The following CCNL1 variants were observed in gnomAD, a reference collection of about 807,000 sequenced individuals.
CCNL1 encodes cyclin-L1.
CCNL1 carries 13 observed loss-of-function variants against 60.6 expected under a neutral mutation model. The observed-to-expected ratio is 0.21, with a 90% CI of 0.14 to 0.34. The LOEUF (loss-of-function observed/expected upper bound fraction) is 0.34. CCNL1 is among the 10% of genes least tolerant of loss of function. The pLI is 1.00. For synonymous variants in CCNL1, 270 were observed against 244.3 expected (o/e 1.10, Z -0.98); for missense variants, 481 against 664.3 (o/e 0.72, Z 3.03).
At chr3:157,145,464 AC>A (rs1737755442), downstream of CCNL1, among the ~76,000 whole-genome samples, 13 of 136,182 alleles carry the variant, frequency 9.5e-5, no homozygotes, top group African/African-American at 2.6e-4. Flanking sequence ...AAAAAAAAAA[AC>A]CAAAACGGGA....
chr3:157,147,669 G>A lies in CCNL1; in HGVS notation c.*572C>T, dbSNP rs959465587. ...ATAGCTCACAATGCAGTTAAGAATT[G>A]CATTTTAATAATCTCAAACTACCAT... On this transcript the variant is annotated 3_prime_UTR_variant, in exon 11 of 11. Transcript: ENST00000295926. 3.0e-5 allele frequency: 30 copies of A among 984,626 alleles called. No individual in the cohort carries two copies. Among genetic ancestry groups the A allele is most frequent in the Non-Finnish European group, 3.5e-5 (29 of 829,380 alleles). The allele number at this position is 984,626 out of a possible 1,614,324, so 61.0% of individuals were successfully genotyped here.
Position 157,149,367 on chromosome 3 carries a change from C to T in CCNL1, c.1152G>A (p.Lys384=). Reference sequence around the variant, plus strand: ...TTGCACTTCTGCTATTTCTACTTCTCTTGCTGTCTTTTCTTACACTTCAAA... The same window carrying T: ...TTGCACTTCTGCTATTTCTACTTCTTTTGCTGTCTTTTCTTACACTTCAAA... ...SPYNGVRKDS[K]RSRNSRSASR... is the part of the protein sequence containing the mutation. Residue 384 remains lysine (K), a synonymous_variant, in exon 10 of 11, where the codon AAG becomes AAA. Coordinates refer to ENST00000295926, the MANE Select transcript of CCNL1 (RefSeq NM_020307.4). The T allele has an allele frequency of 6.2e-7, 1 of 1,614,006 alleles. No homozygotes were observed. The highest frequency in any genetic ancestry group is 1.3e-5 in the African/African-American group (1 of 75,028).
intron 1 of CCNL1, 128 bp downstream of exon 1, chr3:157,159,664 T>C: frequency 9.3e-7 from 1 of 1,071,322 alleles, no homozygotes; most frequent in Non-Finnish European, 1.3e-6. Flanking sequence ...CGGCCGCGGC[T>C]GGGCCCCGAA....
intron 4 of CCNL1, 171 bp downstream of exon 4, chr3:157,152,865 C>T: frequency 1.5e-6 from 2 of 1,363,724 alleles, no homozygotes; most frequent in Non-Finnish European, 1.9e-6. Flanking sequence ...TGTCATTTTA[C>T]TGATAAATCT....
intron 10 of CCNL1, 102 bp downstream of exon 10, chr3:157,149,185 T>G: frequency 1.1e-6 from 1 of 951,622 alleles, no homozygotes; most frequent in South Asian, 1.5e-5. Context: ...AGCCTAATTC[T>G]AACCTAACTT....
rs760539080 is a variant in CCNL1, at chr3:157,148,575, C to T, written c.1247G>A (p.Arg416Gln). 35 of 1,606,846 alleles carry T rather than the reference C, an allele frequency of 2.2e-5. No homozygotes were observed. The highest frequency in any genetic ancestry group is 1.4e-4 in the Admixed American group (8 of 58,482). ...HTPRRHYNNR[R>Q]SRSGTYSSRS... ...CGAGCTGTATGTTCCAGATCGACTC[C>T]GCCTATTATTATAGCTTAGATAATA... The change falls in exon 11 of 11, where the codon CGG (arginine) becomes CAG (glutamine). Residue 416 changes from arginine to glutamine, a missense_variant. Arg to Gln is a conservative substitution (Grantham distance 43). Transcript: ENST00000295926.
In CCNL1 at chr3:157,159,118, A is replaced by G. The variant is rs1208377869; in HGVS notation, c.379-143T>C. On this transcript the variant is annotated intron_variant, in intron 2 of 10. Coordinates refer to ENST00000295926, the MANE Select transcript of CCNL1 (RefSeq NM_020307.4). ...TAAGTCTACCAGCTATGCTAGTACT[A>G]TACTTTTTGTTGTTTAACTCATCTT... 10 of 643,254 alleles carry G rather than the reference A, an allele frequency of 1.6e-5. No individual in the cohort carries two copies. In the Admixed American group the frequency reaches 2.3e-4, roughly 15 times the overall value. 39.8% of individuals were successfully genotyped at this position (643,254 alleles called of 1,614,324 possible). A position where few individuals can be genotyped will look rare whatever the true frequency, so the allele number is the denominator to read the frequency against.
At chr3:157,158,671 A>C in intron 3 of CCNL1, 195 bp downstream of exon 3, 1 of 452,902 alleles carries the variant, frequency 2.2e-6, no homozygotes, top group Non-Finnish European at 4.0e-6. Flanking sequence ...TACAAACTTT[A>C]GATAACCGGT....
Position 157,160,121 on chromosome 3 carries a change from A to C in CCNL1, c.-27T>G, listed in dbSNP as rs745991464. 1.7e-5 allele frequency: 26 copies of C among 1,528,856 alleles called. No homozygotes were observed. The South Asian group carries it at 3.0e-4, about 18-fold the overall frequency. 94.7% of individuals were successfully genotyped at this position (1,528,856 alleles called of 1,614,324 possible). ...GTCTTAGCGAGCCGCACGCAAGCCC[A>C]ACGCAGCCGGAACCCGAAACAAGAC... On this transcript the variant is annotated 5_prime_UTR_variant, in exon 1 of 11. Transcript: ENST00000295926.
At chr3:157,146,428 C>A, downstream of CCNL1, 1 of 405,472 alleles carries the variant, frequency 2.5e-6, no homozygotes, top group Non-Finnish European at 4.8e-6. Flanking sequence ...GGTGTATCCT[C>A]CACAACTCCC....
chr3:157,152,020 T>C, intron 5 of CCNL1, 157 bp downstream of exon 5: 1 of 1,444,980 alleles, frequency 6.9e-7, no homozygotes, highest in South Asian at 1.5e-5. Flanking sequence ...GAAGCAGAAA[T>C]AAGCATTATT....
chr3:157,155,906 AACTC>A (rs1224660282), intron 3 of CCNL1, among the ~76,000 whole-genome samples: 1 of 152,226 alleles, frequency 6.6e-6, no homozygotes, highest in Non-Finnish European at 1.5e-5. Flanking sequence ...CACACAAACT[AACTC>A]AATCTCTGCT....
At position 157,148,578 on chromosome 3, in the gene CCNL1, CTAT is replaced by C. The variant is rs1474796999; in HGVS notation, c.1241_1243del (p.Asn414del). On this transcript the variant is annotated inframe_deletion, in exon 11 of 11. Transcript: ENST00000295926. ...GCTGTATGTTCCAGATCGACTCCGC[CTAT>C]TATTATAGCTTAGATAATAAAAATT... 5.0e-6 allele frequency: 8 copies of C among 1,605,784 alleles called. No homozygotes were observed. The highest frequency in any genetic ancestry group is 1.1e-5 in the South Asian group (1 of 89,848).
intron 4 of CCNL1, chr3:157,152,718 C>T: frequency 8.8e-7 from 1 of 1,130,414 alleles, no homozygotes; most frequent in Non-Finnish European, 1.1e-6. Flanking sequence ...TTTGTAGCTA[C>T]ACATTTATTC....
At chr3:157,159,690 G>A in intron 1 of CCNL1, 102 bp downstream of exon 1, 1 of 1,201,224 alleles carries the variant, frequency 8.3e-7, no homozygotes, top group South Asian at 1.6e-5. Flanking sequence ...AAGCCTGAAG[G>A]AACCGTCCCC....
At chr3:157,154,454 G>A (rs1423987217) in intron 3 of CCNL1, 3 of 152,122 alleles carry the variant, frequency 2.0e-5, no homozygotes, top group Non-Finnish European at 4.4e-5. Context: ...GCTCTAGGCA[G>A]AATACACGAT....
chr3:157,147,634 A>G lies in CCNL1; in HGVS notation c.*607T>C. On this transcript the variant is annotated 3_prime_UTR_variant, in exon 11 of 11. Transcript: ENST00000295926. Reference sequence around the variant, plus strand: ...ATTTACTTTTTCCATATATACAGTGAAGACTTACAATAGCTCACAATGCAG... The same window carrying G: ...ATTTACTTTTTCCATATATACAGTGGAGACTTACAATAGCTCACAATGCAG... The G allele has an allele frequency of 1.0e-6, 1 of 985,196 alleles. No individual in the cohort carries two copies. Among genetic ancestry groups the G allele is most frequent in the Non-Finnish European group, 1.2e-6 (1 of 829,698 alleles). 61.0% of individuals were successfully genotyped at this position (985,196 alleles called of 1,614,324 possible).
At chr3:157,150,791 T>A in intron 5 of CCNL1, 2 of 990,424 alleles carry the variant, frequency 2.0e-6, no homozygotes, top group Non-Finnish European at 2.4e-6. Context: ...AAAAGCAGTG[T>A]CAACCAAGTT....
chr3:157,144,341 G>A (rs767823994), downstream of CCNL1, among the ~76,000 whole-genome samples: 5 of 152,150 alleles, frequency 3.3e-5, no homozygotes, highest in Admixed American at 1.3e-4. Context: ...ATTTGAGTGC[G>A]TTCCAATATG....
Sources: allele counts gnomAD v4.1 joint callset (sites outside exome capture counted in the v4.1 genomes callset), GRCh38; gene constraint gnomAD v4.1.1; transcripts MANE v1.5; gene names NCBI Gene and HGNC (gene_info 2026-07-23, HGNC 2026-07-21).